MPDZ: variants seen among roughly 807,000 people sequenced by gnomAD.
MPDZ encodes multiple PDZ domain crumbs cell polarity complex component.
A neutral mutation model predicts 239.1 loss-of-function variants in MPDZ; 234 were observed. That is an observed-to-expected ratio of 0.98 (90% CI 0.88 to 1.09). The LOEUF is 1.09. Ranked by LOEUF, MPDZ falls within the 50% of genes least tolerant of loss-of-function variation. The pLI, the probability that MPDZ is intolerant of heterozygous loss-of-function variation, is 0.00. For missense variants in MPDZ, 3,175 were observed against 2,510.0 expected, an observed-to-expected ratio of 1.26 and a Z score of -5.66; for synonymous variants, 1,048 against 881.3, an observed-to-expected ratio of 1.19 and a Z score of -3.35.
At position 13,206,166 on chromosome 9, in the gene MPDZ, C is replaced by A. The variant is rs535908180; in HGVS notation, c.1291-67G>T. On this transcript the variant is annotated intron_variant, in intron 10 of 46. Transcript: ENST00000319217. ...AATGGATATTTGTATTACCAATTCACAAAATGTGTATGTATAGTTGTTAGT... is the reference window on the plus strand; with the variant it reads ...AATGGATATTTGTATTACCAATTCAAAAAATGTGTATGTATAGTTGTTAGT... The A allele has an allele frequency of 5.2e-5, 73 of 1,403,446 alleles. 2 individuals are homozygous for A. In the South Asian group the frequency reaches 8.0e-4, roughly 15 times the overall value. 86.9% of individuals were successfully genotyped at this position (1,403,446 alleles called of 1,614,324 possible). A position where few individuals can be genotyped will look rare whatever the true frequency, so the allele number is the denominator to read the frequency against.
At chr9:13,151,019 T>C (rs1490829803) in intron 24 of MPDZ, among the ~76,000 whole-genome samples, 2 of 152,008 alleles carry the variant, frequency 1.3e-5, no homozygotes, top group Admixed American at 1.3e-4. Context: ...GTCTTGAAGA[T>C]ACATAAATGA....
chr9:13,206,117 A>T lies in MPDZ; in HGVS notation c.1291-18T>A, dbSNP rs1956960544. On this transcript the variant is annotated intron_variant, in intron 10 of 46. Coordinates refer to ENST00000319217, the MANE Select transcript of MPDZ (RefSeq NM_001378778.1). ...CCATCTACCTGTGATTAAAAAAAAA[A>T]AAAAGCATGTTACATGTTAAATAAA... is the stretch of plus-strand genomic sequence containing the variant. The T allele has an allele frequency of 6.4e-7, 1 of 1,573,146 alleles. No homozygotes were observed. The highest frequency in any genetic ancestry group is 8.6e-7 in the Non-Finnish European group (1 of 1,163,158).
intron 32 of MPDZ, 114 bp from the exon 33 acceptor site, chr9:13,126,886 G>T: frequency 1.3e-6 from 1 of 776,290 alleles, no homozygotes; most frequent in Non-Finnish European, 2.1e-6. Context: ...AGAAATCTAA[G>T]ACCTTAGACT....
At position 13,176,151 on chromosome 9, in the gene MPDZ, G is replaced by T; in HGVS notation, c.2916C>A (p.Pro972=). 1 of 1,598,144 alleles carries T rather than the reference G, an allele frequency of 6.3e-7. No homozygotes were observed. Among genetic ancestry groups the T allele is most frequent in the East Asian group, 2.3e-5 (1 of 44,320 alleles). Residue 972 remains proline, a synonymous_variant, in exon 20 of 47, where the codon CCC becomes CCA. Transcript: ENST00000319217. The part of the protein sequence containing the change: ...ISSAELPSVL[P]DSAGKGSEYL... ...AAAATATTACCTTTCCAGCTGAATC[G>T]GGTAGCACAGAAGGAAGTTCTGCAC...
chr9:13,216,998 G>A (rs1958432665), intron 9 of MPDZ, 136 bp from the exon 10 acceptor site: 2 of 807,290 alleles, frequency 2.5e-6, no homozygotes, highest in Non-Finnish European at 3.9e-6. Context: ...TAAAGAATAA[G>A]ATAATTGTTT....
intron 1 of MPDZ, among the ~76,000 whole-genome samples, chr9:13,254,953 CATTG>C (rs1315160687): frequency 2.0e-5 from 3 of 152,172 alleles, no homozygotes; most frequent in African/African-American, 4.8e-5. Flanking sequence ...AGCTTTGCCA[CATTG>C]ATTGATTCTT....
intron 1 of MPDZ, among the ~76,000 whole-genome samples, chr9:13,262,997 A>G (rs950340222): frequency 6.6e-6 from 1 of 152,066 alleles, no homozygotes; most frequent in Non-Finnish European, 1.5e-5. Flanking sequence ...ATACGGGGGG[A>G]CTCAATGGGG....
intron 32 of MPDZ, among the ~76,000 whole-genome samples, chr9:13,129,320 G>A (rs369066384): frequency 3.3e-5 from 5 of 151,838 alleles, no homozygotes; most frequent in Admixed American, 1.3e-4. Context: ...AAAGTTAGCC[G>A]GGCATGGTGG....
intron 17 of MPDZ, among the ~76,000 whole-genome samples, chr9:13,187,668 A>C (rs1954306503): frequency 6.6e-6 from 1 of 152,226 alleles, no homozygotes; most frequent in Non-Finnish European, 1.5e-5. Flanking sequence ...AAATACATTA[A>C]CAAAGCTTAC....
At chr9:13,139,867 G>C (rs760100110) in intron 28 of MPDZ, 120 bp downstream of exon 28, 5 of 1,125,408 alleles carry the variant, frequency 4.4e-6, no homozygotes, top group African/African-American at 1.5e-5. Flanking sequence ...TTTCCACACA[G>C]AATTGCAGTA....
rs191820949 is a variant in MPDZ at position 13,167,571 on chromosome 9, A to T, written c.3254+795T>A. On this transcript the variant is annotated intron_variant, in intron 22 of 46. Transcript: ENST00000319217. Reference sequence around the variant, plus strand: ...ATACAAAAAAGTCCCCCATACTAGTAATCATTACATCGATTTTAGGTAAAC... The same window carrying T: ...ATACAAAAAAGTCCCCCATACTAGTTATCATTACATCGATTTTAGGTAAAC... Among the ~76,000 whole-genome samples, 6 of 152,210 alleles carry T rather than the reference A, an allele frequency of 3.9e-5. No homozygotes were observed. In the East Asian group the frequency reaches 1.2e-3, roughly 29 times the overall value.
chr9:13,213,031 CT>C (rs931664983), intron 10 of MPDZ, among the ~76,000 whole-genome samples: 6 of 151,996 alleles, frequency 3.9e-5, no homozygotes, highest in Non-Finnish European at 8.8e-5. Flanking sequence ...ACGTTTGACA[CT>C]TTTCCTTATT....
intron 1 of MPDZ, among the ~76,000 whole-genome samples, chr9:13,267,477 G>T (rs1177324736): frequency 6.6e-6 from 1 of 152,154 alleles, no homozygotes; most frequent in Admixed American, 6.5e-5. Flanking sequence ...GTAAAGTACA[G>T]AGCTTTATGA....
chr9:13,107,981 G>A (rs979250190), intron 46 of MPDZ, among the ~76,000 whole-genome samples: 6 of 152,024 alleles, frequency 3.9e-5, no homozygotes, highest in East Asian at 1.9e-4. Context: ...TGGACATACC[G>A]ATAGCTTTTT....
chr9:13,233,403 G>C (rs1004607065), intron 3 of MPDZ, among the ~76,000 whole-genome samples: 1 of 151,974 alleles, frequency 6.6e-6, no homozygotes, highest in African/African-American at 2.4e-5. Context: ...AGACAAAGAA[G>C]TCAGGCACAA....
intron 3 of MPDZ, among the ~76,000 whole-genome samples, chr9:13,232,995 A>G (rs1209710418): frequency 6.6e-6 from 1 of 152,114 alleles, no homozygotes; most frequent in Non-Finnish European, 1.5e-5. Context: ...ATACTATAAC[A>G]TATCCCCCAG....
chr9:13,154,337 A>G lies in MPDZ; in HGVS notation c.3453-3649T>C, dbSNP rs1041791985. Among the ~76,000 whole-genome samples, 13 of 152,198 alleles carry G rather than the reference A, an allele frequency of 8.5e-5. No homozygotes were observed. The South Asian group carries it at 2.7e-3, about 32-fold the overall frequency. ...TTTCAGAGATCGTTATGTAGGGAAA[A>G]AAAAGGCAGCCTATTTGAGTTTTAT... On this transcript the variant is annotated intron_variant, in intron 24 of 46. Coordinates refer to ENST00000319217, the MANE Select transcript of MPDZ (RefSeq NM_001378778.1).
In MPDZ at chr9:13,165,364, C is replaced by T. The variant is rs1046924046; in HGVS notation, c.3255-2569G>A. 9 of 1,549,410 alleles carry T rather than the reference C, an allele frequency of 5.8e-6. No homozygotes were observed. In the African/African-American group the frequency reaches 1.2e-4, roughly 21 times the overall value. ...AATGAGCTTTCGAATCACTGATACT[C>T]ACACATAAAAGGGGGCTCGATCGTC... On this transcript the variant is annotated intron_variant, in intron 22 of 46. Transcript: ENST00000319217.
At chr9:13,190,555 T>C (rs1462051537) in intron 15 of MPDZ, among the ~76,000 whole-genome samples, 1 of 152,174 alleles carries the variant, frequency 6.6e-6, no homozygotes, top group Non-Finnish European at 1.5e-5. Flanking sequence ...GCAATGGTTA[T>C]ATCTCGACAG....
Sources: gnomAD v4.1 joint callset for allele counts (sites outside exome capture counted in the v4.1 genomes callset) on GRCh38, gnomAD v4.1.1 for gene constraint, MANE v1.5 for transcripts, NCBI Gene and HGNC (gene_info 2026-07-23, HGNC 2026-07-21) for gene names.